The following DSCAML1 variants were observed in gnomAD, a reference collection of about 807,000 sequenced individuals.
DSCAML1 encodes cell adhesion molecule DSCAML1.
A neutral mutation model predicts 200.5 loss-of-function variants in DSCAML1; 38 were observed. The ratio of observed to expected loss-of-function variants is 0.19; its 90% confidence interval spans 0.15 to 0.25. The LOEUF (loss-of-function observed/expected upper bound fraction) is 0.25, where lower values mean the gene tolerates loss of function less well. DSCAML1 is among the 10% of genes least tolerant of loss of function. The pLI is 1.00. For synonymous variants in DSCAML1, 1,215 were observed against 1,165.0 expected (o/e 1.04, Z -0.87); for missense variants, 2,223 against 2,858.8 (o/e 0.78, Z 5.07).
chr11:117,515,610 CTTTTT>C (rs56765238), intron 8 of DSCAML1, among the ~76,000 whole-genome samples: 21 of 65,140 alleles, frequency 3.2e-4, no homozygotes, highest in African/African-American at 1.4e-3. Flanking sequence ...AGGGACGAAG[CTTTTT>C]TTTTTTTTTT....
chr11:117,782,093 CA>C (rs2090717212), intron 1 of DSCAML1, among the ~76,000 whole-genome samples: 1 of 152,292 alleles, frequency 6.6e-6, no homozygotes. Context: ...GCAAACAAAC[CA>C]CTCTGCTGCT....
At chr11:117,769,274 ATATATTATATATTTTATATAT>A (rs2054970269) in intron 3 of DSCAML1, among the ~76,000 whole-genome samples, 2 of 2,982 alleles carry the variant, frequency 6.7e-4, no homozygotes, top group African/African-American at 7.3e-4. Flanking sequence ...TTATATATTT[ATATATTATATATTTTATATAT>A]TTATATATAT....
chr11:117,631,882 G>C (rs2052181745), intron 3 of DSCAML1, among the ~76,000 whole-genome samples: 1 of 152,330 alleles, frequency 6.6e-6, no homozygotes, highest in South Asian at 2.1e-4. Context: ...AGGAGAGAAG[G>C]TCTATAGACA....
chr11:117,817,502 G>A (rs771015061), exon 1 of DSCAML1: 10 of 152,048 alleles, frequency 6.6e-5, no homozygotes, highest in African/African-American at 9.7e-5. Flanking sequence ...GGGTTGAGAA[G>A]AGCTACTGAG....
chr11:117,807,843 T>TG (rs537014367), intron 1 of DSCAML1, among the ~76,000 whole-genome samples: 314 of 152,292 alleles, frequency 2.1e-3, no homozygotes, highest in Admixed American at 6.9e-3. Context: ...AGTTAAAAAT[T>TG]GGAGCTTTGC....
At chr11:117,671,081 G>A (rs765546984) in intron 3 of DSCAML1, among the ~76,000 whole-genome samples, 6 of 152,190 alleles carry the variant, frequency 3.9e-5, no homozygotes, top group African/African-American at 9.7e-5. Flanking sequence ...TGCACTTGAC[G>A]TTAACATTTC....
At chr11:117,486,270 G>GCGGATGTGATAATGGCGGATGT (rs2049053025) in intron 11 of DSCAML1, among the ~76,000 whole-genome samples, 4 of 85,934 alleles carry the variant, frequency 4.7e-5, no homozygotes, top group African/African-American at 2.0e-4. Context: ...GTGGTGGATG[G>GCGGATGTGATAATGGCGGATGT]GAAAGTGGCG....
intron 20 of DSCAML1, among the ~76,000 whole-genome samples, chr11:117,447,148 C>T (rs990133962): frequency 2.0e-5 from 3 of 152,066 alleles, no homozygotes; most frequent in East Asian, 1.9e-4. Context: ...ATTAGCCAGG[C>T]GTGGTGATGT....
Position 117,505,525 on chromosome 11 carries a change from T to C in DSCAML1, c.1991A>G (p.Asn664Ser), listed in dbSNP as rs1422359290. ...GCTGGCGATGCATGTATAGTTGCCG[T>C]TGTGCTTGAGGGAGACGCTAGAGAT... ...LQISSVSLKH[N>S]GNYTCIASNA... Residue 664 changes from asparagine to serine, a missense_variant, in exon 9 of 33, where the codon AAC becomes AGC. Transcript: ENST00000651296. The surrounding 1 kb of genome is among the most constrained non-coding windows in gnomAD (Gnocchi z 6.7). The C allele has an allele frequency of 1.9e-6, 3 of 1,613,208 alleles. No homozygotes were observed. Among genetic ancestry groups the C allele is most frequent in the Admixed American group, 1.7e-5 (1 of 59,994 alleles).
chr11:117,686,200 G>C (rs1156492548), intron 3 of DSCAML1, among the ~76,000 whole-genome samples: 1 of 152,192 alleles, frequency 6.6e-6, no homozygotes, highest in Non-Finnish European at 1.5e-5. Flanking sequence ...AGGAGTGATA[G>C]GGCTGGGTGG....
intron 3 of DSCAML1, among the ~76,000 whole-genome samples, chr11:117,545,779 C>T (rs918902461): frequency 5.3e-5 from 8 of 152,162 alleles, no homozygotes; most frequent in African/African-American, 7.2e-5. Context: ...GGGAATGGGT[C>T]GTTAACACAG....
chr11:117,478,424 T>G (rs2048841146), intron 14 of DSCAML1, among the ~76,000 whole-genome samples: 1 of 152,102 alleles, frequency 6.6e-6, no homozygotes. Flanking sequence ...AGATGTGACA[T>G]GGACACAGTC....
chr11:117,559,168 G>T (rs1047579962), intron 3 of DSCAML1, among the ~76,000 whole-genome samples: 2 of 146,208 alleles, frequency 1.4e-5, no homozygotes, highest in African/African-American at 5.3e-5. Flanking sequence ...AGACACCAGA[G>T]ATAACATCTT....
In DSCAML1 at chr11:117,758,547, G is replaced by A. The variant is rs563514735; in HGVS notation, c.511+18244C>T. Among the ~76,000 whole-genome samples, 10 of 151,844 alleles carry A rather than the reference G, an allele frequency of 6.6e-5. No homozygotes were observed. The East Asian group carries it at 1.2e-3, about 18-fold the overall frequency. The stretch of plus-strand genomic sequence containing the variant: ...CTCCCGAGTAGCTGGGACTACAGGC[G>A]CCTACCACCACGTCCGGGTAATTTT... On this transcript the variant is annotated intron_variant, in intron 3 of 32. Coordinates refer to ENST00000651296, the MANE Select transcript of DSCAML1 (RefSeq NM_020693.4).
intron 3 of DSCAML1, among the ~76,000 whole-genome samples, chr11:117,665,576 C>T (rs1471068721): frequency 6.6e-6 from 1 of 152,204 alleles, no homozygotes; most frequent in Non-Finnish European, 1.5e-5. Flanking sequence ...GAAGCTTAAG[C>T]TGCAATGGCT....
chr11:117,752,972 G>A (rs1045750649), intron 3 of DSCAML1, among the ~76,000 whole-genome samples: 25 of 152,294 alleles, frequency 1.6e-4, no homozygotes, highest in African/African-American at 5.8e-4. Flanking sequence ...GGGAGCTGTG[G>A]CCCCAGGATG....
chr11:117,776,739 G>A, intron 3 of DSCAML1, 52 bp downstream of exon 3: 1 of 1,607,834 alleles, frequency 6.2e-7, no homozygotes, highest in Non-Finnish European at 8.5e-7. Context: ...ACTTTATCCA[G>A]TCCCCACAGA....
At chr11:117,663,896 G>A (rs2052918423) in intron 3 of DSCAML1, among the ~76,000 whole-genome samples, 1 of 152,224 alleles carries the variant, frequency 6.6e-6, no homozygotes, top group Non-Finnish European at 1.5e-5. Context: ...TAGCGTGACT[G>A]AAACATTTAT....
intron 3 of DSCAML1, among the ~76,000 whole-genome samples, chr11:117,573,927 T>A (rs1430252592): frequency 6.6e-6 from 1 of 152,148 alleles, no homozygotes; most frequent in South Asian, 2.1e-4. Context: ...CTGCTGTGAG[T>A]CCCTCATGCT....
Sources: gnomAD v4.1 joint callset for allele counts (sites outside exome capture counted in the v4.1 genomes callset) on GRCh38, gnomAD v4.1.1 for gene constraint, Gnocchi (gnomAD v3.1) non-coding constraint, MANE v1.5 for transcripts, NCBI Gene and HGNC (gene_info 2026-07-23, HGNC 2026-07-21) for gene names.